Variants in ZFR2 observed in about 807,000 individuals in gnomAD.
ZFR2 encodes the protein zinc finger RNA binding protein 2, also known as zinc finger RNA-binding protein 2.
A neutral mutation model predicts 105.7 loss-of-function variants in ZFR2; 104 were observed. That is an observed-to-expected ratio of 0.98 (90% CI 0.84 to 1.16). The LOEUF (loss-of-function observed/expected upper bound fraction) is 1.16, where lower values mean the gene tolerates loss of function less well. Among genes scored for constraint, ZFR2 ranks in the 50% most tolerant of loss-of-function variants. The pLI is 0.00. For missense variants in ZFR2, 1,425 were observed against 1,355.5 expected, an observed-to-expected ratio of 1.05 and a Z score of -0.80; for synonymous variants, 634 against 597.7, an observed-to-expected ratio of 1.06 and a Z score of -0.89.
rs150448469 is a variant in ZFR2, at chr19:3,838,385, C to G, written c.54-3402G>C. Among the ~76,000 whole-genome samples, 146 of 152,280 alleles carry G rather than the reference C, an allele frequency of 9.6e-4. 2 individuals are homozygous for G. In the East Asian group the frequency reaches 0.019, roughly 20 times the overall value. On this transcript the variant is annotated intron_variant, in intron 1 of 18. Transcript: ENST00000262961. This position sits in a 1 kb window ranked among gnomAD's most constrained non-coding sequence, Gnocchi z 4.9. The stretch of plus-strand genomic sequence containing the variant: ...ACAGAACTACAGAGTGAGTGCTATC[C>G]AGGCTGCACTGAGCACCGACCGATG...
intron 1 of ZFR2, among the ~76,000 whole-genome samples, chr19:3,853,275 G>T (rs191082360): frequency 1.3e-5 from 2 of 152,252 alleles, no homozygotes; most frequent in Admixed American, 1.3e-4. Flanking sequence ...TTCCCAGCGT[G>T]GGCGGTCACG....
chr19:3,839,671 A>G (rs139587631), intron 1 of ZFR2, among the ~76,000 whole-genome samples: 18 of 152,020 alleles, frequency 1.2e-4, no homozygotes, highest in Non-Finnish European at 2.1e-4. Context: ...CCACTTAACA[A>G]ACACATATCA....
chr19:3,842,672 G>C (rs1386053426), intron 1 of ZFR2, among the ~76,000 whole-genome samples: 1 of 148,454 alleles, frequency 6.7e-6, no homozygotes, highest in Non-Finnish European at 1.5e-5. Flanking sequence ...GGTCCTGGCT[G>C]GAGTGCAGGG....
chr19:3,843,794 C>T (rs1001887368), intron 1 of ZFR2, among the ~76,000 whole-genome samples: 16 of 150,566 alleles, frequency 1.1e-4, no homozygotes, highest in African/African-American at 2.7e-4. Context: ...GAGATCACAC[C>T]ACTGCACTCC....
At chr19:3,857,062 AG>A (rs1338915834) in intron 1 of ZFR2, 2 of 144,332 alleles carry the variant, frequency 1.4e-5, no homozygotes, top group African/African-American at 2.6e-5. Context: ...GCTAGGAACC[AG>A]AGGTTTTGTG....
intron 14 of ZFR2, among the ~76,000 whole-genome samples, chr19:3,812,285 G>A (rs549431909): frequency 1.6e-4 from 25 of 152,130 alleles, no homozygotes; most frequent in Admixed American, 7.2e-4. Flanking sequence ...TCACTACCTT[G>A]CCCAGGCTGG....
intron 17 of ZFR2, among the ~76,000 whole-genome samples, chr19:3,807,636 C>T (rs1407820186): frequency 6.6e-6 from 1 of 151,122 alleles, no homozygotes. Context: ...TGCATGTGTG[C>T]CTGTGTGTGC....
chr19:3,850,568 G>A (rs904044648), intron 1 of ZFR2, among the ~76,000 whole-genome samples: 1 of 151,906 alleles, frequency 6.6e-6, no homozygotes, highest in African/African-American at 2.4e-5. Flanking sequence ...ACTGATCTGA[G>A]CAGAACTGGG....
chr19:3,855,489 C>T, intron 1 of ZFR2: 4 of 1,220,532 alleles, frequency 3.3e-6, no homozygotes, highest in Non-Finnish European at 4.1e-6. Context: ...TAGTGGGGAC[C>T]AGCTGCTGTC....
In ZFR2 at chr19:3,821,483, G is replaced by A. The variant is rs757790370; in HGVS notation, c.1492-4C>T. On this transcript the variant is annotated splice_polypyrimidine_tract_variant and splice_region_variant and intron_variant, in intron 9 of 18. Transcript: ENST00000262961. ...GAAGGTCCGGGTTCACTTTCTTCTG[G>A]AAAGGACAGGCAAGGCTCTGAGAGT... is the stretch of plus-strand genomic sequence containing the variant. 7 of 1,597,604 alleles carry A rather than the reference G, an allele frequency of 4.4e-6. No individual in the cohort carries two copies. The African/African-American group carries it at 8.0e-5, about 18-fold the overall frequency.
chr19:3,804,838 T>A lies in ZFR2; in HGVS notation c.*1111A>T, dbSNP rs1327459979. On this transcript the variant is annotated 3_prime_UTR_variant, in exon 19 of 19. Coordinates refer to ENST00000262961, the MANE Select transcript of ZFR2 (RefSeq NM_015174.2). ...GCCTGCCCACGTGATTTCAAATCCATGCCGCAGCCGCATCCAAAGAAAGTT... is the reference window on the plus strand; with the variant it reads ...GCCTGCCCACGTGATTTCAAATCCAAGCCGCAGCCGCATCCAAAGAAAGTT... 2 of 153,096 alleles carry A rather than the reference T, an allele frequency of 1.3e-5. No individual in the cohort carries two copies. Among genetic ancestry groups the A allele is most frequent in the East Asian group, 3.8e-4 (2 of 5,212 alleles). The allele number at this position is 153,096 out of a possible 1,614,324, so 9.5% of individuals were successfully genotyped here.
At chr19:3,820,033 C>T in intron 11 of ZFR2, 149 bp downstream of exon 11, 1 of 743,394 alleles carries the variant, frequency 1.3e-6, no homozygotes, top group Non-Finnish European at 2.2e-6. Context: ...GGGCTCCCAT[C>T]TGTGGAGTGA....
Position 3,831,662 on chromosome 19 carries a change from G to C in ZFR2, c.596C>G (p.Thr199Arg). ...TGGGCAAGGAACGCTGGTCTTACCC[G>C]TGTAGGCGGTGCAGGTGGGGTTGTA... ...PSYNPTCTAY[T>R]APSYPNYDAS... The change falls in exon 4 of 19, where the codon ACG becomes AGG. Residue 199 changes from threonine (T) to arginine (R), a missense_variant and splice_region_variant. By Grantham distance (71) the Thr-to-Arg change is moderately conservative (BLOSUM62 -1). Coordinates refer to ENST00000262961, the MANE Select transcript of ZFR2 (RefSeq NM_015174.2). 1 of 1,545,076 alleles carries C rather than the reference G, an allele frequency of 6.5e-7. No homozygotes were observed. The highest frequency in any genetic ancestry group is 8.8e-7 in the Non-Finnish European group (1 of 1,142,164).
intron 1 of ZFR2, among the ~76,000 whole-genome samples, chr19:3,844,928 C>G (rs1483631355): frequency 6.6e-6 from 1 of 152,166 alleles, no homozygotes. Flanking sequence ...CAGGCAGAAC[C>G]CTGATTGGGA....
intron 12 of ZFR2, among the ~76,000 whole-genome samples, chr19:3,817,567 GATAATAATAATAATA>G (rs10605531): frequency 5.0e-4 from 62 of 124,018 alleles, no homozygotes; most frequent in African/African-American, 1.6e-3. Context: ...TCAAAATAAT[GATAATAATAATAATA>G]ATAATAATAA....
intron 12 of ZFR2, among the ~76,000 whole-genome samples, chr19:3,817,497 T>G (rs2037837761): frequency 6.6e-6 from 1 of 150,676 alleles, no homozygotes; most frequent in African/African-American, 2.4e-5. Flanking sequence ...AGATGGAGGT[T>G]GCAGTGAGCC....
chr19:3,856,729 C>G (rs537223825), intron 1 of ZFR2, among the ~76,000 whole-genome samples: 1 of 152,108 alleles, frequency 6.6e-6, no homozygotes, highest in Non-Finnish European at 1.5e-5. Flanking sequence ...CCAGGGTAGC[C>G]AGAGTTTCCT....
Position 3,833,685 on chromosome 19 carries a change from C to A in ZFR2, c.358G>T (p.Ala120Ser). 6.4e-7 allele frequency: 1 copy of A among 1,567,240 alleles called. No individual in the cohort carries two copies. ...TCACCTGGCTGGCCGGAGTCTGCGG[C>A]TGTCATGCGCCCAGACTGGAGGGCA... ...SAALQSGRMTAADSGQPGTQE... is the reference protein window; with the variant it reads ...SAALQSGRMTSADSGQPGTQE... Residue 120 changes from alanine to serine, a missense_variant, in exon 3 of 19, where the codon GCC (alanine) becomes TCC (serine). Physicochemically the swap from Ala to Ser is moderately conservative, Grantham distance 99 (BLOSUM62 1). Transcript: ENST00000262961.
At chr19:3,861,793 G>A (rs1447070885) in intron 1 of ZFR2, among the ~76,000 whole-genome samples, 2 of 152,172 alleles carry the variant, frequency 1.3e-5, no homozygotes, top group Non-Finnish European at 2.9e-5. Context: ...GGGCGTGGTG[G>A]TGCATGCCTG....
Sources: allele counts gnomAD v4.1 joint callset (sites outside exome capture counted in the v4.1 genomes callset), GRCh38; gene constraint gnomAD v4.1.1; non-coding constraint Gnocchi (gnomAD v3.1); transcripts MANE v1.5; gene names NCBI Gene and HGNC (gene_info 2026-07-23, HGNC 2026-07-21).